DIP2C: variants seen among roughly 807,000 people sequenced by gnomAD.
DIP2C encodes the protein disco-interacting protein 2 homolog C.
DIP2C carries 33 observed loss-of-function variants against 192.4 expected under a neutral mutation model. That is an observed-to-expected ratio of 0.17 (90% CI 0.13 to 0.23). The LOEUF is 0.23. Among genes scored for constraint, DIP2C ranks in the 10% least tolerant of loss-of-function variants. The pLI, the probability that DIP2C is intolerant of heterozygous loss-of-function variation, is 1.00. For missense variants in DIP2C, 1,537 were observed against 2,110.1 expected, an observed-to-expected ratio of 0.73 and a Z score of 5.32; for synonymous variants, 979 against 864.1, an observed-to-expected ratio of 1.13 and a Z score of -2.33.
At chr10:581,598 T>C (rs1449459003) in intron 1 of DIP2C, among the ~76,000 whole-genome samples, 1 of 151,920 alleles carries the variant, frequency 6.6e-6, no homozygotes, top group Admixed American at 6.5e-5. Context: ...AAGGTCAGCC[T>C]TGAAGTAATG....
At position 418,547 on chromosome 10, in the gene DIP2C, G is replaced by A. The variant is rs1965960258; in HGVS notation, c.739+518C>T. On this transcript the variant is annotated intron_variant, in intron 6 of 36. Coordinates refer to ENST00000280886, the MANE Select transcript of DIP2C (RefSeq NM_014974.3). ...CTGTAGTCAGAATATACCAAGACTG[G>A]GCCACAAAGAAGGAAGGAAGAAGCC... Among the ~76,000 whole-genome samples the A allele has an allele frequency of 2.0e-5, 3 of 152,292 alleles. No homozygotes were observed. The South Asian group carries it at 6.2e-4, about 32-fold the overall frequency.
chr10:638,655 G>T (rs567015816), intron 1 of DIP2C, among the ~76,000 whole-genome samples: 1 of 152,186 alleles, frequency 6.6e-6, no homozygotes, highest in African/African-American at 2.4e-5. Flanking sequence ...AGGCCAAGAA[G>T]TTCCTTCCCC....
chr10:449,587 G>C (rs1010910059), intron 3 of DIP2C, among the ~76,000 whole-genome samples: 1 of 136,766 alleles, frequency 7.3e-6, no homozygotes, highest in African/African-American at 2.7e-5. Context: ...TGAAATATGT[G>C]ATTTTTCTAC....
intron 1 of DIP2C, among the ~76,000 whole-genome samples, chr10:619,276 A>C (rs1853680018): frequency 6.6e-6 from 1 of 152,186 alleles, no homozygotes; most frequent in Non-Finnish European, 1.5e-5. Flanking sequence ...TGCCCCAAAC[A>C]ACACGAACTT....
chr10:502,205 T>C (rs1484570063), intron 1 of DIP2C, among the ~76,000 whole-genome samples: 2 of 152,144 alleles, frequency 1.3e-5, no homozygotes, highest in Non-Finnish European at 2.9e-5. Flanking sequence ...ACCATCTCCC[T>C]GATAAGCCCA....
In DIP2C at chr10:531,513, G is replaced by A. The variant is rs77481702; in HGVS notation, c.86-44983C>T. 2.0e-3 allele frequency among the ~76,000 whole-genome samples: 300 copies of A among 152,130 alleles called. 1 individual carries two copies. Among genetic ancestry groups the A allele is most frequent in the Middle Eastern group, 0.01 (3 of 294 alleles). On this transcript the variant is annotated intron_variant, in intron 1 of 36. Transcript: ENST00000280886. ...AATGCAAAGAATCGAGGTATCATACGTGCCGTTCACCGAATTCCTAACACC... is the reference window on the plus strand; with the variant it reads ...AATGCAAAGAATCGAGGTATCATACATGCCGTTCACCGAATTCCTAACACC...
chr10:602,627 C>T (rs560208382), intron 1 of DIP2C, among the ~76,000 whole-genome samples: 2 of 152,298 alleles, frequency 1.3e-5, no homozygotes, highest in African/African-American at 4.8e-5. Context: ...CCTCGGACTT[C>T]CCAGCCTCCA....
chr10:572,888 A>G (rs551500147), intron 1 of DIP2C, among the ~76,000 whole-genome samples: 4 of 152,306 alleles, frequency 2.6e-5, no homozygotes, highest in South Asian at 4.1e-4. Flanking sequence ...GGGACTCGCT[A>G]AACAGGCAGC....
At chr10:417,993 C>T (rs778684208) in intron 6 of DIP2C, among the ~76,000 whole-genome samples, 42 of 93,136 alleles carry the variant, frequency 4.5e-4, no homozygotes, top group South Asian at 8.4e-4. Flanking sequence ...CCTCCCTGTC[C>T]ACCTGCACCT....
At chr10:608,104 A>AACACACACACC (rs201113911) in intron 1 of DIP2C, among the ~76,000 whole-genome samples, 2 of 145,540 alleles carry the variant, frequency 1.4e-5, no homozygotes, top group African/African-American at 5.3e-5. Flanking sequence ...CCTAAAAAGG[A>AACACACACACC]ACACACACAC....
At chr10:402,433 C>G (rs1246038375) in intron 9 of DIP2C, among the ~76,000 whole-genome samples, 1 of 13,538 alleles carries the variant, frequency 7.4e-5, no homozygotes, top group African/African-American at 8.3e-5. Flanking sequence ...TCCTTATGGA[C>G]AAGTTTGGTA....
chr10:441,994 G>C (rs1047281546), intron 3 of DIP2C, among the ~76,000 whole-genome samples: 6 of 150,074 alleles, frequency 4.0e-5, no homozygotes, highest in Non-Finnish European at 4.5e-5. Context: ...ACTCCAAACT[G>C]TGAAGCCAGG....
In DIP2C at chr10:603,403, G is replaced by C. The variant is rs145485821; in HGVS notation, c.85+86091C>G. ...TTCTATACCCCAACCCTTATTCAAA[G>C]GTCGCCTAACACTGACTCAGGACCT... On this transcript the variant is annotated intron_variant, in intron 1 of 36. Transcript: ENST00000280886. Among the ~76,000 whole-genome samples, 913 of 147,890 alleles carry C rather than the reference G, an allele frequency of 6.2e-3. 10 individuals are homozygous for C. The highest frequency in any genetic ancestry group is 0.022 in the African/African-American group (863 of 39,734).
intron 1 of DIP2C, among the ~76,000 whole-genome samples, chr10:573,766 A>T (rs1403902268): frequency 2.0e-5 from 3 of 150,676 alleles, no homozygotes; most frequent in Admixed American, 6.6e-5. Flanking sequence ...GTAGGTACTT[A>T]AAAAAAAAGA....
chr10:572,221 A>T (rs1321542312), intron 1 of DIP2C, among the ~76,000 whole-genome samples: 1 of 152,240 alleles, frequency 6.6e-6, no homozygotes, highest in Non-Finnish European at 1.5e-5. Flanking sequence ...TGCAGACAGC[A>T]CCTGGCATGT....
At chr10:372,612 C>T (rs116528470) in intron 17 of DIP2C, among the ~76,000 whole-genome samples, 1,678 of 152,264 alleles carry the variant, frequency 0.011, 33 homozygotes, top group African/African-American at 0.038. Context: ...TCGGAGAAAA[C>T]GCACGGCCCC....
At chr10:279,040 G>A (rs1016051062) in intron 36 of DIP2C, among the ~76,000 whole-genome samples, 4 of 152,118 alleles carry the variant, frequency 2.6e-5, no homozygotes, top group Admixed American at 6.5e-5. Flanking sequence ...GGAAAAAAAC[G>A]CATATTTTAT....
intron 3 of DIP2C, among the ~76,000 whole-genome samples, chr10:456,557 A>C (rs968624749): frequency 1.3e-5 from 2 of 152,212 alleles, no homozygotes; most frequent in African/African-American, 4.8e-5. Context: ...AGAGCTTAAG[A>C]TGCTCCTCCT....
intron 3 of DIP2C, among the ~76,000 whole-genome samples, chr10:470,687 G>A (rs1436340397): frequency 6.6e-6 from 1 of 152,214 alleles, no homozygotes; most frequent in East Asian, 1.9e-4. Context: ...GAGAGAGAGA[G>A]AATGTAGGAA....
Sources: gnomAD v4.1 joint callset for allele counts (sites outside exome capture counted in the v4.1 genomes callset) on GRCh38, gnomAD v4.1.1 for gene constraint, MANE v1.5 for transcripts, NCBI Gene and HGNC (gene_info 2026-07-23, HGNC 2026-07-21) for gene names.